RETREG1: variants seen among roughly 807,000 people sequenced by gnomAD.
RETREG1 encodes the protein family with sequence similarity 134 member B.
In RETREG1, 44 loss-of-function variants were observed where a neutral mutation model predicts 54.8. That is an observed-to-expected ratio of 0.80 (90% CI 0.63 to 1.03). The LOEUF (loss-of-function observed/expected upper bound fraction) is 1.03. Ranked by LOEUF, RETREG1 falls within the 50% of genes least tolerant of loss-of-function variation. RETREG1 has a pLI of 0.00. For missense variants in RETREG1, 554 were observed against 605.1 expected (o/e 0.92, Z 0.89); for synonymous variants, 217 against 238.5 (o/e 0.91, Z 0.83).
Position 16,512,128 on chromosome 5 carries a change from G to A in RETREG1, c.459-28656C>T, listed in dbSNP as rs147145930. ...CCTGCTGGGGACTAAGGTGCTAAGC[G>A]TTTCCTCACTGACCTGAAACCTACT... On this transcript the variant is annotated intron_variant, in intron 3 of 8. Coordinates refer to ENST00000306320, the MANE Select transcript of RETREG1 (RefSeq NM_001034850.3). Among the ~76,000 whole-genome samples, 1,049 of 152,314 alleles carry A rather than the reference G, an allele frequency of 6.9e-3. 4 individuals carry two copies. Among genetic ancestry groups the A allele is most frequent in the Middle Eastern group, 0.048 (14 of 294 alleles).
chr5:16,518,226 T>C (rs1057362761), intron 3 of RETREG1, among the ~76,000 whole-genome samples: 4 of 147,996 alleles, frequency 2.7e-5, no homozygotes, highest in African/African-American at 7.4e-5. Flanking sequence ...ATTGACTATA[T>C]ATTTATATAT....
chr5:16,571,262 T>A (rs944109794), intron 2 of RETREG1, among the ~76,000 whole-genome samples: 3 of 152,146 alleles, frequency 2.0e-5, no homozygotes, highest in African/African-American at 7.2e-5. Context: ...ACCAAAAGCA[T>A]CCCTCCATTT....
rs367716584 is a variant in RETREG1, at chr5:16,537,569, G to A, written c.458+28194C>T. Among the ~76,000 whole-genome samples, 71 of 152,256 alleles carry A rather than the reference G, an allele frequency of 4.7e-4. No individual in the cohort carries two copies. The South Asian group carries it at 0.014, about 30-fold the overall frequency. ...AAAAATTAGCTGGGTGTGATGGTGC[G>A]CCCCTGTAATCCCAGCTACTTGGGA... On this transcript the variant is annotated intron_variant, in intron 3 of 8. Coordinates refer to ENST00000306320, the MANE Select transcript of RETREG1 (RefSeq NM_001034850.3).
intron 2 of RETREG1, among the ~76,000 whole-genome samples, chr5:16,570,552 TA>T (rs147216070): frequency 0.014 from 2,195 of 152,316 alleles, 57 homozygotes; most frequent in African/African-American, 0.051. Flanking sequence ...TGGTTGCAGA[TA>T]AAATGTATGA....
At chr5:16,551,225 A>G (rs985976262) in intron 3 of RETREG1, among the ~76,000 whole-genome samples, 2 of 150,086 alleles carry the variant, frequency 1.3e-5, no homozygotes, top group Admixed American at 6.6e-5. Flanking sequence ...CTCAGCCCTC[A>G]TCTCATCCTC....
chr5:16,480,820 T>C (rs1425408636), intron 5 of RETREG1, among the ~76,000 whole-genome samples, 189 bp downstream of exon 5: 1 of 152,092 alleles, frequency 6.6e-6, no homozygotes, highest in Non-Finnish European at 1.5e-5. Context: ...TTTGCAGCTA[T>C]TCTTCCAATT....
intron 1 of RETREG1, among the ~76,000 whole-genome samples, chr5:16,586,440 CTCA>C (rs1481182691): frequency 6.6e-6 from 1 of 152,114 alleles, no homozygotes; most frequent in Non-Finnish European, 1.5e-5. Context: ...CTAAAACTGC[CTCA>C]TCATCATCAG....
At chr5:16,550,730 C>T (rs190921499) in intron 3 of RETREG1, among the ~76,000 whole-genome samples, 32 of 152,294 alleles carry the variant, frequency 2.1e-4, no homozygotes, top group African/African-American at 4.3e-4. Context: ...CCTGAATGTC[C>T]GTCAACTGAT....
chr5:16,601,405 CT>C (rs941469808), intron 1 of RETREG1, among the ~76,000 whole-genome samples: 2 of 132,386 alleles, frequency 1.5e-5, no homozygotes, highest in Non-Finnish European at 3.2e-5. Context: ...TTTTTTTTTT[CT>C]TTTTTTTTGA....
At chr5:16,600,221 G>C (rs1473636533) in intron 1 of RETREG1, among the ~76,000 whole-genome samples, 2 of 152,178 alleles carry the variant, frequency 1.3e-5, no homozygotes, top group Non-Finnish European at 2.9e-5. Flanking sequence ...GGCTGGTCCT[G>C]AACTCCTGAC....
intron 3 of RETREG1, among the ~76,000 whole-genome samples, chr5:16,537,521 A>T (rs1042182976): frequency 6.6e-6 from 1 of 152,232 alleles, no homozygotes; most frequent in Non-Finnish European, 1.5e-5. Context: ...AACATGGCGA[A>T]ACCTTGTCTC....
intron 1 of RETREG1, among the ~76,000 whole-genome samples, chr5:16,605,973 G>A (rs1011908767): frequency 6.6e-6 from 1 of 152,202 alleles, no homozygotes; most frequent in African/African-American, 2.4e-5. Flanking sequence ...GACCATGGCA[G>A]AGAGAAAAGA....
chr5:16,611,700 C>T (rs1006394026), intron 1 of RETREG1, among the ~76,000 whole-genome samples: 4 of 152,178 alleles, frequency 2.6e-5, no homozygotes, highest in Admixed American at 6.5e-5. Flanking sequence ...AATTGTGGTA[C>T]ATCATCAAAG....
At chr5:16,577,076 G>T (rs1047300790) in intron 1 of RETREG1, among the ~76,000 whole-genome samples, 1 of 151,958 alleles carries the variant, frequency 6.6e-6, no homozygotes, top group Non-Finnish European at 1.5e-5. Context: ...AACAGGATCT[G>T]AGAAAGTCAT....
intron 3 of RETREG1, among the ~76,000 whole-genome samples, chr5:16,516,855 C>A (rs1014274947): frequency 6.6e-6 from 1 of 152,028 alleles, no homozygotes; most frequent in African/African-American, 2.4e-5. Flanking sequence ...AATCTCAGAA[C>A]CTTGGGAGGC....
At chr5:16,501,744 C>A (rs1013788793) in intron 3 of RETREG1, among the ~76,000 whole-genome samples, 3 of 151,578 alleles carry the variant, frequency 2.0e-5, no homozygotes, top group Non-Finnish European at 4.4e-5. Flanking sequence ...AAGGTTTCAC[C>A]ATGTTGGTCA....
chr5:16,607,030 A>G (rs539780863), intron 1 of RETREG1, among the ~76,000 whole-genome samples: 112 of 148,392 alleles, frequency 7.5e-4, no homozygotes, highest in Admixed American at 2.0e-3. Flanking sequence ...ACTCCCCTCC[A>G]GAGTTACCTG....
chr5:16,606,050 G>A (rs1405586978), intron 1 of RETREG1, among the ~76,000 whole-genome samples: 1 of 152,158 alleles, frequency 6.6e-6, no homozygotes, highest in East Asian at 1.9e-4. Flanking sequence ...AACACAGAGA[G>A]GCCCAGAAAT....
intron 1 of RETREG1, among the ~76,000 whole-genome samples, chr5:16,581,521 AACACAACACACACACACAC>A (rs1193490037): frequency 1.2e-5 from 1 of 85,106 alleles, no homozygotes; most frequent in African/African-American, 3.3e-5. Context: ...TAAGTTCAGA[AACACAACACACACACACAC>A]ACACACACAC....
Sources: gnomAD v4.1 joint callset for allele counts (sites outside exome capture counted in the v4.1 genomes callset) on GRCh38, gnomAD v4.1.1 for gene constraint, MANE v1.5 for transcripts, NCBI Gene and HGNC (gene_info 2026-07-23, HGNC 2026-07-21) for gene names.